The following RRP1B variants were observed in gnomAD, a reference collection of about 807,000 sequenced individuals.
The protein encoded by RRP1B is ribosomal RNA processing protein 1 homolog B.
A neutral mutation model predicts 80.2 loss-of-function variants in RRP1B; 56 were observed. The ratio of observed to expected loss-of-function variants is 0.70; its 90% CI spans 0.56 to 0.87. The LOEUF (loss-of-function observed/expected upper bound fraction) is 0.87. Ranked by LOEUF, RRP1B falls within the 40% of genes least tolerant of loss-of-function variation. The pLI is 0.00. For synonymous variants in RRP1B, 351 were observed against 357.6 expected, an observed-to-expected ratio of 0.98 and a Z score of 0.21; for missense variants, 807 against 939.8, an observed-to-expected ratio of 0.86 and a Z score of 1.85.
At chr21:43,684,075 AT>A (rs538807611) in intron 9 of RRP1B, among the ~76,000 whole-genome samples, 152 of 135,792 alleles carry the variant, frequency 1.1e-3, no homozygotes, top group East Asian at 2.1e-3. Flanking sequence ...CCCAAGAATA[AT>A]TTTTTTTTTT....
At chr21:43,681,392 G>A (rs758717688) in intron 8 of RRP1B, among the ~76,000 whole-genome samples, 3 of 141,704 alleles carry the variant, frequency 2.1e-5, no homozygotes, top group Non-Finnish European at 3.0e-5. Context: ...TTTCGCTCTT[G>A]TCGCCCAGGC....
intron 1 of RRP1B, among the ~76,000 whole-genome samples, chr21:43,668,973 A>G (rs1250780799): frequency 6.6e-6 from 1 of 152,224 alleles, no homozygotes; most frequent in Non-Finnish European, 1.5e-5. Context: ...AGGAGATTTA[A>G]GGCTGAACGA....
rs1461031030 is a variant in RRP1B at position 43,686,883 on chromosome 21, T to A, written c.1089T>A (p.His363Gln). The change falls in exon 12 of 16, where the codon CAT (histidine) becomes CAA (glutamine). Residue 363 changes from histidine to glutamine, a missense_variant. His to Gln is a conservative substitution (Grantham distance 24). Transcript: ENST00000340648. ...ACCAAATCCTCAGTCAAGGAAAGCA[T>A]AAGAAGAAAGGAAATAAACTTTTAG... The part of the protein sequence containing the change: ...EDDQILSQGK[H>Q]KKKGNKLLEK... 6.2e-7 allele frequency: 1 copy of A among 1,613,800 alleles called. No individual in the cohort carries two copies. Among genetic ancestry groups the A allele is most frequent in the Non-Finnish European group, 8.5e-7 (1 of 1,179,906 alleles).
intron 1 of RRP1B, among the ~76,000 whole-genome samples, chr21:43,662,201 A>G (rs1025792103): frequency 5.3e-5 from 8 of 152,250 alleles, no homozygotes; most frequent in African/African-American, 1.9e-4. Flanking sequence ...TTGGTGAGCC[A>G]GCCCAGGATT....
chr21:43,665,701 T>C lies in RRP1B; in HGVS notation c.131-4183T>C, dbSNP rs893929912. On this transcript the variant is annotated intron_variant, in intron 1 of 15. Coordinates refer to ENST00000340648, the MANE Select transcript of RRP1B (RefSeq NM_015056.3). ...TAAATGAGCGCGCACTCCTAGTTCC[T>C]GTGGGATCTGACTGTTAAAGAGCCT... 5.9e-5 allele frequency among the ~76,000 whole-genome samples: 9 copies of C among 152,088 alleles called. No individual in the cohort carries two copies. In the East Asian group the frequency reaches 1.7e-3, roughly 29 times the overall value.
chr21:43,673,027 A>T (rs868515304), intron 3 of RRP1B, among the ~76,000 whole-genome samples: 1 of 152,248 alleles, frequency 6.6e-6, no homozygotes. Flanking sequence ...ATTGTTTTTG[A>T]ATAAAAAAGT....
chr21:43,692,906 C>G (rs549006079), intron 15 of RRP1B, among the ~76,000 whole-genome samples: 10 of 152,176 alleles, frequency 6.6e-5, no homozygotes, highest in African/African-American at 1.7e-4. Context: ...ACCCCCACCC[C>G]CAATGTTCAC....
At chr21:43,682,640 G>T (rs762086726) in intron 8 of RRP1B, among the ~76,000 whole-genome samples, 1 of 152,310 alleles carries the variant, frequency 6.6e-6, no homozygotes, top group Middle Eastern at 3.4e-3. Flanking sequence ...TGTCCCATCC[G>T]CTTGCCTGCG....
chr21:43,688,362 G>A (rs985808472), intron 13 of RRP1B, 122 bp downstream of exon 13: 23 of 1,196,330 alleles, frequency 1.9e-5, no homozygotes, highest in African/African-American at 1.2e-4. Context: ...CTCAGCAGCA[G>A]TTAGAATAGG....
At chr21:43,689,093 C>G (rs1251919530) in intron 13 of RRP1B, among the ~76,000 whole-genome samples, 4 of 152,234 alleles carry the variant, frequency 2.6e-5, no homozygotes, top group Non-Finnish European at 5.9e-5. Context: ...CTTTTCACAC[C>G]ACCTCTGGGC....
intron 8 of RRP1B, among the ~76,000 whole-genome samples, chr21:43,682,256 C>G (rs986094759): frequency 6.6e-6 from 1 of 152,202 alleles, no homozygotes; most frequent in East Asian, 1.9e-4. Flanking sequence ...GACACAGACT[C>G]TCTTCCAAGT....
chr21:43,684,002 T>TA (rs1272819875), intron 9 of RRP1B, among the ~76,000 whole-genome samples: 9 of 145,016 alleles, frequency 6.2e-5, no homozygotes, highest in African/African-American at 2.3e-4. Flanking sequence ...CACACCCAGG[T>TA]AAATTTTGTT....
chr21:43,671,516 C>G (rs753776850), intron 2 of RRP1B, among the ~76,000 whole-genome samples: 1 of 151,938 alleles, frequency 6.6e-6, no homozygotes, highest in Non-Finnish European at 1.5e-5. Flanking sequence ...TACAGGTGCA[C>G]GCCTCCATGC....
chr21:43,684,212 C>T (rs945141643), intron 9 of RRP1B, among the ~76,000 whole-genome samples: 1 of 151,480 alleles, frequency 6.6e-6, no homozygotes, highest in African/African-American at 2.4e-5. Flanking sequence ...GCTGGGACTA[C>T]AGGCGCCCGC....
At chr21:43,661,797 C>T (rs1390328278) in intron 1 of RRP1B, among the ~76,000 whole-genome samples, 1 of 152,226 alleles carries the variant, frequency 6.6e-6, no homozygotes, top group Non-Finnish European at 1.5e-5. Flanking sequence ...GTTCCGTCAA[C>T]AGAATCGGTG....
At chr21:43,681,783 C>G (rs1485829144) in intron 8 of RRP1B, among the ~76,000 whole-genome samples, 1 of 148,366 alleles carries the variant, frequency 6.7e-6, no homozygotes, top group Non-Finnish European at 1.5e-5. Context: ...AAGACCTTGA[C>G]TTTACAAAAA....
chr21:43,678,526 T>G (rs2083030923), intron 8 of RRP1B, among the ~76,000 whole-genome samples: 1 of 152,220 alleles, frequency 6.6e-6, no homozygotes, highest in South Asian at 2.1e-4. Context: ...TGGTATCTGA[T>G]TATGGTTTTC....
chr21:43,669,949 G>A lies in RRP1B; in HGVS notation c.196G>A (p.Asp66Asn). 1 of 1,609,544 alleles carries A rather than the reference G, an allele frequency of 6.2e-7. No homozygotes were observed. The highest frequency in any genetic ancestry group is 8.5e-7 in the Non-Finnish European group (1 of 1,176,448). The stretch of plus-strand genomic sequence containing the variant: ...GCTCTTCTACTGCATGTGGGTGCAG[G>A]ATGAACCCCTTCTACAGGTAACATG... ...KGLFYCMWVQ[D>N]EPLLQEELAN... The change falls in exon 2 of 16, where the codon GAT becomes AAT. Residue 66 changes from aspartate to asparagine, a missense_variant. Transcript: ENST00000340648.
At chr21:43,675,966 T>C (rs2083020333) in intron 6 of RRP1B, among the ~76,000 whole-genome samples, 1 of 152,108 alleles carries the variant, frequency 6.6e-6, no homozygotes, top group South Asian at 2.1e-4. Flanking sequence ...TCTTCCATTA[T>C]GGCTTGGGGA....
Sources: gnomAD v4.1 joint callset for allele counts (sites outside exome capture counted in the v4.1 genomes callset) on GRCh38, gnomAD v4.1.1 for gene constraint, MANE v1.5 for transcripts, NCBI Gene and HGNC (gene_info 2026-07-23, HGNC 2026-07-21) for gene names.